PRSS38: variants seen among roughly 807,000 people sequenced by gnomAD.
PRSS38 encodes the protein serine protease 38, also known as marapsin 2.
PRSS38 carries 22 observed loss-of-function variants against 26.8 expected under a neutral mutation model. The observed-to-expected ratio is 0.82, with a 90% CI of 0.59 to 1.17. The LOEUF (loss-of-function observed/expected upper bound fraction) is 1.17, where lower values mean the gene tolerates loss of function less well. Ranked by LOEUF, PRSS38 falls within the 50% of genes most tolerant of loss-of-function variation. The pLI is 0.00. For synonymous variants in PRSS38, 175 were observed against 172.1 expected (o/e 1.02, Z -0.13); for missense variants, 427 against 422.7 (o/e 1.01, Z -0.09).
intron 3 of PRSS38, among the ~76,000 whole-genome samples, chr1:227,831,783 C>A (rs78576496): frequency 0.027 from 4,161 of 152,048 alleles, 80 homozygotes; most frequent in East Asian, 0.062. Flanking sequence ...AGCTGGGTGG[C>A]AGAGGTTGCA....
intron 3 of PRSS38, among the ~76,000 whole-genome samples, chr1:227,827,428 G>A (rs1665089342): frequency 6.6e-6 from 1 of 151,984 alleles, no homozygotes; most frequent in Non-Finnish European, 1.5e-5. Context: ...ATGTGTTCAG[G>A]AATTTATTTT....
chr1:227,830,418 TA>T lies in PRSS38; in HGVS notation c.583+12939del, dbSNP rs548285136. ...TAGTTTGTTATATACTTTATGTATT[TA>T]TTATTGTCCTATTACTTTTACTTTT... On this transcript the variant is annotated intron_variant, in intron 3 of 4. Transcript: ENST00000366757. 5.1e-3 allele frequency among the ~76,000 whole-genome samples: 773 copies of T among 151,958 alleles called. 4 individuals are homozygous for T. Among genetic ancestry groups the T allele is most frequent in the Middle Eastern group, 0.027 (8 of 294 alleles).
chr1:227,843,998 T>TAAC (rs1190859905), intron 3 of PRSS38, among the ~76,000 whole-genome samples: 2 of 152,096 alleles, frequency 1.3e-5, no homozygotes, highest in Non-Finnish European at 2.9e-5. Flanking sequence ...AAAACAACAG[T>TAAC]AACAACAACA....
chr1:227,837,152 G>A (rs2102683082), intron 3 of PRSS38, among the ~76,000 whole-genome samples: 1 of 152,208 alleles, frequency 6.6e-6, no homozygotes, highest in East Asian at 1.9e-4. Flanking sequence ...CACCATGCCT[G>A]GATAGTTTTT....
intron 3 of PRSS38, among the ~76,000 whole-genome samples, chr1:227,834,168 C>A (rs2102681408): frequency 6.6e-6 from 1 of 152,226 alleles, no homozygotes; most frequent in South Asian, 2.1e-4. Flanking sequence ...CCCTGAGACC[C>A]CTGAGAGGGA....
intron 3 of PRSS38, among the ~76,000 whole-genome samples, chr1:227,836,213 C>T (rs1223300379): frequency 6.6e-6 from 1 of 152,092 alleles, no homozygotes; most frequent in African/African-American, 2.4e-5. Context: ...ATCCTTCTTC[C>T]TCAGCCTCCT....
intron 3 of PRSS38, among the ~76,000 whole-genome samples, chr1:227,841,092 C>T (rs943509471): frequency 6.6e-6 from 1 of 152,244 alleles, no homozygotes; most frequent in Non-Finnish European, 1.5e-5. Context: ...GCCTGGTTCA[C>T]CCAGCAACGG....
chr1:227,841,628 T>C (rs1450979316), intron 3 of PRSS38, among the ~76,000 whole-genome samples: 3 of 152,234 alleles, frequency 2.0e-5, no homozygotes, highest in Admixed American at 6.5e-5. Context: ...TTAAATCCAG[T>C]AATCCTTGAC....
At chr1:227,845,707 A>G (rs903789745) in intron 4 of PRSS38, 95 bp downstream of exon 4, 6 of 1,430,240 alleles carry the variant, frequency 4.2e-6, no homozygotes, top group Non-Finnish European at 5.8e-6. Context: ...GACTAGCAGG[A>G]GCCCTGCAGC....
chr1:227,829,652 A>G (rs1665123596), intron 3 of PRSS38, among the ~76,000 whole-genome samples: 1 of 152,230 alleles, frequency 6.6e-6, no homozygotes, highest in Admixed American at 6.5e-5. Flanking sequence ...CATTGTTAGC[A>G]TATTGAAGTA....
chr1:227,815,779 G>A (rs1664900689), exon 1 of PRSS38: 2 of 1,612,088 alleles, frequency 1.2e-6, no homozygotes, highest in East Asian at 2.2e-5. Flanking sequence ...TTCTGCTGCT[G>A]CTCCTGGTGG....
rs116410279 is a variant in PRSS38 at position 227,820,894 on chromosome 1, T to C, written c.583+3414T>C. On this transcript the variant is annotated intron_variant, in intron 3 of 4. Coordinates refer to ENST00000366757, the Ensembl canonical transcript of PRSS38. ...ATTCTTATTGTTGAATCAATCTCTTTACTTGTTATAGATCTTTTCAGATTT... is the reference window on the plus strand; with the variant it reads ...ATTCTTATTGTTGAATCAATCTCTTCACTTGTTATAGATCTTTTCAGATTT... Among the ~76,000 whole-genome samples, 878 of 152,334 alleles carry C rather than the reference T, an allele frequency of 5.8e-3. 9 individuals carry two copies. Among genetic ancestry groups the C allele is most frequent in the African/African-American group, 0.02 (851 of 41,570 alleles).
chr1:227,816,952 T>A lies in PRSS38; in HGVS notation c.312-257T>A, dbSNP rs1427979235. Among the ~76,000 whole-genome samples, 1 of 152,232 alleles carries A rather than the reference T, an allele frequency of 6.6e-6. No homozygotes were observed. The highest frequency in any genetic ancestry group is 1.5e-5 in the Non-Finnish European group (1 of 68,046). ...TTGTCAGTAAGAGTCAGAGCAGGTC[T>A]CACATGCATGGGCTGCTGGCCTGTA... is the stretch of plus-strand genomic sequence containing the variant. On this transcript the variant is annotated intron_variant, in intron 2 of 4. Transcript: ENST00000366757. The surrounding 1 kb of genome is among the most constrained non-coding windows in gnomAD (Gnocchi z 5.1).
intron 3 of PRSS38, among the ~76,000 whole-genome samples, chr1:227,832,048 T>G (rs1665160803): frequency 6.6e-6 from 1 of 152,230 alleles, no homozygotes; most frequent in Non-Finnish European, 1.5e-5. Context: ...TTTAATCAAC[T>G]GTCTTTCTTT....
exon 4 of PRSS38, chr1:227,845,482 A>G (rs780120606): frequency 2.5e-5 from 41 of 1,611,014 alleles, no homozygotes; most frequent in Admixed American, 5.0e-5. Context: ...GAGACCTCAG[A>G]CGAGCTGCAG....
intron 3 of PRSS38, among the ~76,000 whole-genome samples, chr1:227,822,916 C>T (rs1665021985): frequency 6.6e-6 from 1 of 152,132 alleles, no homozygotes; most frequent in South Asian, 2.1e-4. Flanking sequence ...AAATCTTTTC[C>T]AATTTATTTA....
intron 3 of PRSS38, among the ~76,000 whole-genome samples, chr1:227,840,342 C>T (rs1206877337): frequency 6.6e-6 from 1 of 151,992 alleles, no homozygotes; most frequent in Non-Finnish European, 1.5e-5. Flanking sequence ...AGGCTGGTCT[C>T]GAACTCCTGG....
In PRSS38 at chr1:227,816,603, G is replaced by C. The variant is rs1664921982; in HGVS notation, c.311+351G>C. 6.6e-6 allele frequency among the ~76,000 whole-genome samples: 1 copy of C among 151,874 alleles called. No homozygotes were observed. The highest frequency in any genetic ancestry group is 1.5e-5 in the Non-Finnish European group (1 of 67,948). Reference sequence around the variant, plus strand: ...TGCACAGCCTGGTCCCCATGTGCAAGGCTGGTCCCCTAAGTGCACGACCAG... The same window carrying C: ...TGCACAGCCTGGTCCCCATGTGCAACGCTGGTCCCCTAAGTGCACGACCAG... On this transcript the variant is annotated intron_variant, in intron 2 of 4. Transcript: ENST00000366757. The surrounding 1 kb of genome is among the most constrained non-coding windows in gnomAD (Gnocchi z 5.1).
chr1:227,820,573 T>C (rs568336108), intron 3 of PRSS38, among the ~76,000 whole-genome samples: 77 of 152,336 alleles, frequency 5.1e-4, no homozygotes, highest in African/African-American at 1.8e-3. Flanking sequence ...CACTTGTATT[T>C]CTTGGATAAA....
Sources: allele counts gnomAD v4.1 joint callset (sites outside exome capture counted in the v4.1 genomes callset), GRCh38; gene constraint gnomAD v4.1.1; non-coding constraint Gnocchi (gnomAD v3.1); transcripts MANE v1.5; gene names NCBI Gene and HGNC (gene_info 2026-07-23, HGNC 2026-07-21).